The following BRF1 variants were observed in gnomAD, a reference collection of about 807,000 sequenced individuals.
BRF1 encodes the protein transcription factor IIIB 90 kDa subunit.
BRF1 carries 59 observed loss-of-function variants against 81.7 expected under a neutral mutation model. The ratio of observed to expected loss-of-function variants is 0.72; its 90% confidence interval spans 0.59 to 0.90. The LOEUF (loss-of-function observed/expected upper bound fraction) is 0.90, where lower values mean the gene tolerates loss of function less well. BRF1 is among the 40% of genes least tolerant of loss of function. The pLI is 0.00. For synonymous variants in BRF1, 491 were observed against 395.6 expected, an observed-to-expected ratio of 1.24 and a Z score of -2.86; for missense variants, 1,050 against 936.3, an observed-to-expected ratio of 1.12 and a Z score of -1.58.
intron 15 of BRF1, chr14:105,212,854 A>C (rs897107233): frequency 6.6e-6 from 1 of 152,302 alleles, no homozygotes; most frequent in Admixed American, 6.5e-5. Flanking sequence ...GGCCTGAGGC[A>C]GGGCCCTGCC....
chr14:105,226,810 C>T, intron 7 of BRF1, 50 bp from the exon 8 acceptor site: 1 of 1,611,106 alleles, frequency 6.2e-7, no homozygotes, highest in Non-Finnish European at 8.5e-7. Flanking sequence ...CTGAAACCAG[C>T]TGTTTAAAAC....
chr14:105,256,327 G>A (rs1236644953), intron 4 of BRF1, 191 bp downstream of exon 4: 2 of 1,550,050 alleles, frequency 1.3e-6, no homozygotes, highest in South Asian at 2.4e-5. Flanking sequence ...ACTCCCACAA[G>A]TCTCGGACTG....
rs372677109 is a variant in BRF1 at position 105,266,918 on chromosome 14, C to T, written c.439+5803G>A. Among the ~76,000 whole-genome samples, 3 of 152,090 alleles carry T rather than the reference C, an allele frequency of 2.0e-5. No individual in the cohort carries two copies. In the East Asian group the frequency reaches 5.8e-4, roughly 29 times the overall value. On this transcript the variant is annotated intron_variant, in intron 3 of 17. Coordinates refer to ENST00000547530, the MANE Select transcript of BRF1 (RefSeq NM_001519.4). ...AATTAGCCAGGGGTGGTGGTGTATG[C>T]CTGTAGTCCAGCTACACGGGAGGCT...
Position 105,226,051 on chromosome 14 carries a change from C to G in BRF1, c.1048+18G>C, listed in dbSNP as rs373163645. ...ACATTTTAAAGGTCTGAATAGGGGCCGGGCACAGTGGACTCACCATCTTTT... is the reference window on the plus strand; with the variant it reads ...ACATTTTAAAGGTCTGAATAGGGGCGGGGCACAGTGGACTCACCATCTTTT... On this transcript the variant is annotated intron_variant, in intron 10 of 17. Transcript: ENST00000547530. The G allele has an allele frequency of 3.7e-6, 6 of 1,609,028 alleles. No homozygotes were observed. The African/African-American group carries it at 4.0e-5, about 11-fold the overall frequency.
chr14:105,310,683 G>C (rs986088715), intron 1 of BRF1, among the ~76,000 whole-genome samples: 1 of 152,062 alleles, frequency 6.6e-6, no homozygotes, highest in South Asian at 2.1e-4. Context: ...GCCAGATGGC[G>C]CCCGGCTCTC....
chr14:105,211,676 G>T, intron 16 of BRF1: 1 of 355,238 alleles, frequency 2.8e-6, no homozygotes, highest in Non-Finnish European at 5.2e-6. Context: ...CTCTGCTCCG[G>T]CCCCTGCCCC....
At position 105,219,031 on chromosome 14, in the gene BRF1, T is replaced by G; in HGVS notation, c.1482A>C (p.Lys494Asn). The change falls in exon 14 of 18, where the codon AAA (lysine) becomes AAC (asparagine). Residue 494 changes from lysine to asparagine, a missense_variant. Lys to Asn is a moderately conservative substitution (Grantham distance 94). Coordinates refer to ENST00000547530, the MANE Select transcript of BRF1 (RefSeq NM_001519.4). ...EQREKEARIA[K>N]EKELGIYKEH... ...CCTTGTAGATGCCGAGCTCCTTCTC[T>G]TTCGCTATTCTTGCTTCTTTTTCTA... 6.2e-7 allele frequency: 1 copy of G among 1,613,906 alleles called. No individual in the cohort carries two copies. The highest frequency in any genetic ancestry group is 1.3e-5 in the African/African-American group (1 of 75,064).
chr14:105,273,591 C>G (rs1450585300), intron 2 of BRF1, among the ~76,000 whole-genome samples: 2 of 152,180 alleles, frequency 1.3e-5, no homozygotes, highest in Non-Finnish European at 2.9e-5. Flanking sequence ...ATCTGTAACT[C>G]TGCCCCAGCC....
chr14:105,300,113 C>T (rs2057934180), intron 1 of BRF1, among the ~76,000 whole-genome samples: 1 of 152,244 alleles, frequency 6.6e-6, no homozygotes, highest in Non-Finnish European at 1.5e-5. Context: ...CCAGACATTG[C>T]TGAAAACAAA....
At chr14:105,249,692 C>T (rs754026607) in intron 5 of BRF1, 11 of 1,613,608 alleles carry the variant, frequency 6.8e-6, no homozygotes, top group South Asian at 1.1e-5. Flanking sequence ...GCTGGCCACT[C>T]TGTACGCTGC....
chr14:105,299,093 A>G (rs951258446), intron 1 of BRF1, among the ~76,000 whole-genome samples: 3 of 151,818 alleles, frequency 2.0e-5, no homozygotes, highest in African/African-American at 4.8e-5. Flanking sequence ...GAATGGCGTG[A>G]GCCTGGGAGG....
intron 3 of BRF1, among the ~76,000 whole-genome samples, chr14:105,261,100 G>A (rs587603432): frequency 2.0e-5 from 3 of 152,332 alleles, no homozygotes; most frequent in South Asian, 2.1e-4. Context: ...CCCTGTCTGC[G>A]GCCCCCAGGG....
chr14:105,225,804 C>T (rs770762146), intron 10 of BRF1, among the ~76,000 whole-genome samples: 20 of 152,220 alleles, frequency 1.3e-4, no homozygotes, highest in Non-Finnish European at 2.4e-4. Context: ...CGCACCACCA[C>T]GCCCAGCTAA....
At chr14:105,297,445 C>T (rs1309839212) in intron 1 of BRF1, among the ~76,000 whole-genome samples, 2 of 151,942 alleles carry the variant, frequency 1.3e-5, no homozygotes, top group African/African-American at 2.4e-5. Flanking sequence ...TGGCGTGTGC[C>T]TGCAGTCCCA....
At chr14:105,244,873 G>A (rs914152920) in intron 5 of BRF1, among the ~76,000 whole-genome samples, 1 of 151,822 alleles carries the variant, frequency 6.6e-6, no homozygotes, top group Non-Finnish European at 1.5e-5. Flanking sequence ...AAAATGACCA[G>A]GTATGATAGA....
At chr14:105,291,827 G>A (rs2057525688) in intron 1 of BRF1, among the ~76,000 whole-genome samples, 2 of 151,538 alleles carry the variant, frequency 1.3e-5, no homozygotes, top group South Asian at 4.2e-4. Context: ...GCGAAACCCC[G>A]TCTCTACTAA....
At chr14:105,262,549 C>T (rs184755661) in intron 3 of BRF1, among the ~76,000 whole-genome samples, 142 of 152,336 alleles carry the variant, frequency 9.3e-4, no homozygotes, top group Non-Finnish European at 1.8e-3. Flanking sequence ...AGCACCTCAC[C>T]GCTGTCATCA....
At chr14:105,312,209 A>G (rs2058367528) in intron 1 of BRF1, among the ~76,000 whole-genome samples, 1 of 152,236 alleles carries the variant, frequency 6.6e-6, no homozygotes, top group African/African-American at 2.4e-5. Context: ...GGACCTAGCG[A>G]AGCCAGGCGG....
At chr14:105,297,882 G>A (rs11627391) in intron 1 of BRF1, among the ~76,000 whole-genome samples, 1 of 152,210 alleles carries the variant, frequency 6.6e-6, no homozygotes, top group Non-Finnish European at 1.5e-5. Flanking sequence ...TGTAGTCCCA[G>A]CTACTTGGGA....
Sources: allele counts gnomAD v4.1 joint callset (sites outside exome capture counted in the v4.1 genomes callset), GRCh38; gene constraint gnomAD v4.1.1; transcripts MANE v1.5; gene names NCBI Gene and HGNC (gene_info 2026-07-23, HGNC 2026-07-21).